TAF2: variants seen among roughly 807,000 people sequenced by gnomAD.
The protein encoded by TAF2 is transcription initiation factor TFIID subunit 2.
A neutral mutation model predicts 138.5 loss-of-function variants in TAF2; 61 were observed. The observed-to-expected ratio is 0.44, with a 90% confidence interval of 0.36 to 0.54. TAF2 has a LOEUF of 0.54. TAF2 is among the 20% of genes least tolerant of loss of function. The pLI is 0.00. For missense variants in TAF2, 1,090 were observed against 1,427.9 expected (o/e 0.76, Z 3.81); for synonymous variants, 475 against 469.9 (o/e 1.01, Z -0.14).
At chr8:119,734,433 G>A (rs1230460392) in intron 25 of TAF2, among the ~76,000 whole-genome samples, 1 of 152,106 alleles carries the variant, frequency 6.6e-6, no homozygotes, top group Non-Finnish European at 1.5e-5. Context: ...CATCACCACA[G>A]AAGCTTTCTA....
At chr8:119,746,553 C>T (rs988806676) in intron 23 of TAF2, 152 bp downstream of exon 23, 2 of 778,774 alleles carry the variant, frequency 2.6e-6, no homozygotes, top group African/African-American at 1.7e-5. Flanking sequence ...ATAATTGGCA[C>T]AGTACTAATC....
At position 119,753,541 on chromosome 8, in the gene TAF2, A is replaced by G. The variant is rs576514246; in HGVS notation, c.2878+2465T>C. Among the ~76,000 whole-genome samples, 14 of 152,266 alleles carry G rather than the reference A, an allele frequency of 9.2e-5. No individual in the cohort carries two copies. The South Asian group carries it at 2.9e-3, about 32-fold the overall frequency. On this transcript the variant is annotated intron_variant, in intron 22 of 25. Coordinates refer to ENST00000378164, the MANE Select transcript of TAF2 (RefSeq NM_003184.4). The stretch of plus-strand genomic sequence containing the variant: ...ATAAATCTGAAAAACTAAGTAATAA[A>G]CTGTTTATGACTATAGCCTCACTGA...
intron 6 of TAF2, among the ~76,000 whole-genome samples, chr8:119,798,759 T>C (rs1465259793): frequency 6.6e-6 from 1 of 152,146 alleles, no homozygotes; most frequent in African/African-American, 2.4e-5. Context: ...ATTTTTATCA[T>C]AAAAATTATT....
intron 22 of TAF2, among the ~76,000 whole-genome samples, chr8:119,749,725 T>C (rs1234935936): frequency 1.3e-5 from 2 of 152,070 alleles, no homozygotes; most frequent in African/African-American, 4.8e-5. Flanking sequence ...ATCAATCCCA[T>C]TGGAGAGAGG....
At chr8:119,791,510 A>T (rs1268511773) in intron 10 of TAF2, 51 bp from the exon 11 acceptor site, 7 of 1,573,370 alleles carry the variant, frequency 4.4e-6, no homozygotes, top group Middle Eastern at 1.8e-4. Flanking sequence ...ACTATTAAAT[A>T]AAAAATAAAT....
intron 22 of TAF2, among the ~76,000 whole-genome samples, chr8:119,747,333 G>C (rs1820047279): frequency 1.3e-5 from 2 of 152,098 alleles, no homozygotes; most frequent in South Asian, 4.1e-4. Flanking sequence ...ACTACTATTG[G>C]ACTTATTGTA....
At chr8:119,763,604 C>T (rs545045292) in intron 18 of TAF2, among the ~76,000 whole-genome samples, 1 of 152,004 alleles carries the variant, frequency 6.6e-6, no homozygotes, top group Non-Finnish European at 1.5e-5. Flanking sequence ...GTGGCAGGCG[C>T]CTGTAGTCCC....
At position 119,802,122 on chromosome 8, in the gene TAF2, C is replaced by T. The variant is rs1231985728; in HGVS notation, c.561-97G>A. The T allele has an allele frequency of 4.7e-6, 5 of 1,054,496 alleles. No individual in the cohort carries two copies. The Admixed American group carries it at 6.4e-5, about 13-fold the overall frequency. 65.3% of individuals were successfully genotyped at this position (1,054,496 alleles called of 1,614,324 possible). A position where few individuals can be genotyped will look rare whatever the true frequency, so the allele number is the denominator to read the frequency against. On this transcript the variant is annotated intron_variant, in intron 5 of 25. Transcript: ENST00000378164. ...TATTTTAGCATTTCTAGAAAATGAACAAACAAAACCTTTAGCTATTTGGCT... is the reference window on the plus strand; with the variant it reads ...TATTTTAGCATTTCTAGAAAATGAATAAACAAAACCTTTAGCTATTTGGCT...
intron 12 of TAF2, 55 bp from the exon 13 acceptor site, chr8:119,788,959 G>A: frequency 8.7e-7 from 1 of 1,151,278 alleles, no homozygotes; most frequent in Non-Finnish European, 1.3e-6. Flanking sequence ...ACTAAACAAA[G>A]TAAGTTATCC....
intron 9 of TAF2, among the ~76,000 whole-genome samples, 190 bp from the exon 10 acceptor site, chr8:119,793,641 T>TGACA (rs1450381854): frequency 1.3e-5 from 2 of 152,190 alleles, no homozygotes; most frequent in African/African-American, 4.8e-5. Flanking sequence ...GCTGGCAGAA[T>TGACA]GACAAAAGCC....
chr8:119,829,696 C>T (rs1471051432), intron 2 of TAF2, among the ~76,000 whole-genome samples: 1 of 151,856 alleles, frequency 6.6e-6, no homozygotes. Flanking sequence ...TTGAAAAAGC[C>T]ACATGCAACT....
Position 119,797,053 on chromosome 8 carries a change from CT to C in TAF2, c.1027del (p.Arg343GlufsTer4). ...GGCCAAGGATTGGGCTAAACACCTT[CT>C]AGTCAAAGGTGTCTCATCTATAATC... ...AMIIDETPLT[R>X]RCLAQSLAQQ... On this transcript the variant is annotated frameshift_variant, in exon 8 of 26. Transcript: ENST00000378164. LOFTEE classifies it high-confidence loss of function. 1 of 1,613,294 alleles carries C rather than the reference CT, an allele frequency of 6.2e-7. No individual in the cohort carries two copies. Among genetic ancestry groups the C allele is most frequent in the Non-Finnish European group, 8.5e-7 (1 of 1,179,532 alleles).
At chr8:119,787,693 G>T (rs957900855) in intron 14 of TAF2, among the ~76,000 whole-genome samples, 3 of 152,168 alleles carry the variant, frequency 2.0e-5, no homozygotes, top group Non-Finnish European at 2.9e-5. Context: ...ATTCCTCAAG[G>T]ATCTAGAACC....
chr8:119,811,663 G>T (rs993411913), intron 3 of TAF2, among the ~76,000 whole-genome samples: 1 of 151,566 alleles, frequency 6.6e-6, no homozygotes, highest in South Asian at 2.1e-4. Context: ...AAAATTAGCC[G>T]GGCGTGGTGG....
At chr8:119,734,352 A>T (rs1016896371) in intron 25 of TAF2, among the ~76,000 whole-genome samples, 11 of 152,098 alleles carry the variant, frequency 7.2e-5, no homozygotes, top group Admixed American at 3.9e-4. Flanking sequence ...TTCTTTTTTT[A>T]AAAAAGTAAA....
intron 11 of TAF2, among the ~76,000 whole-genome samples, chr8:119,790,240 A>G (rs964113503): frequency 8.5e-5 from 13 of 152,154 alleles, no homozygotes; most frequent in Non-Finnish European, 1.8e-4. Flanking sequence ...GTTTGAGATC[A>G]GACTGGGCAA....
chr8:119,735,158 A>G (rs557417021), intron 25 of TAF2, among the ~76,000 whole-genome samples: 156 of 152,282 alleles, frequency 1.0e-3, no homozygotes, highest in South Asian at 3.3e-3. Flanking sequence ...ATCTACCCCA[A>G]GATGGACTGC....
At chr8:119,824,687 C>G (rs1825993594) in intron 2 of TAF2, among the ~76,000 whole-genome samples, 1 of 152,180 alleles carries the variant, frequency 6.6e-6, no homozygotes, top group South Asian at 2.1e-4. Flanking sequence ...TGCCCTGCAT[C>G]CTATCCACTC....
rs762498505 is a variant in TAF2, at chr8:119,806,362, T to C, written c.339A>G (p.Ala113=). 6.2e-7 allele frequency: 1 copy of C among 1,613,940 alleles called. No homozygotes were observed. Among genetic ancestry groups the C allele is most frequent in the African/African-American group, 1.3e-5 (1 of 74,910 alleles). ...LNYFSNAYAA[A]VSAVDPDAGN... Reference sequence around the variant, plus strand: ...CTGCATCAGGGTCCACAGCACTAACTGCAGCTGCATAAGCATTGGAAAAAT... The same window carrying C: ...CTGCATCAGGGTCCACAGCACTAACCGCAGCTGCATAAGCATTGGAAAAAT... The change falls in exon 4 of 26, where the codon GCA becomes GCG. Residue 113 remains alanine (A), a synonymous_variant. Coordinates refer to ENST00000378164, the MANE Select transcript of TAF2 (RefSeq NM_003184.4).
Sources: gnomAD v4.1 joint callset for allele counts (sites outside exome capture counted in the v4.1 genomes callset) on GRCh38, gnomAD v4.1.1 for gene constraint, MANE v1.5 for transcripts, NCBI Gene and HGNC (gene_info 2026-07-23, HGNC 2026-07-21) for gene names.